IDH2: variants seen among roughly 807,000 people sequenced by gnomAD.
The protein encoded by IDH2 is isocitrate dehydrogenase (NADP(+)) 2, also known as isocitrate dehydrogenase [NADP], mitochondrial.
IDH2 carries 18 observed loss-of-function variants against 50.5 expected under a neutral mutation model. That is an observed-to-expected ratio of 0.36 (90% CI 0.25 to 0.53). The LOEUF (loss-of-function observed/expected upper bound fraction) is 0.53, where lower values mean the gene tolerates loss of function less well. Among genes scored for constraint, IDH2 ranks in the 20% least tolerant of loss-of-function variants. The pLI, the probability that IDH2 is intolerant of heterozygous loss-of-function variation, is 0.92. For synonymous variants in IDH2, 280 were observed against 239.8 expected, an observed-to-expected ratio of 1.17 and a Z score of -1.55; for missense variants, 518 against 610.7, an observed-to-expected ratio of 0.85 and a Z score of 1.60.
Position 90,098,511 on chromosome 15 carries a change from T to TATGTATGTATGCATGC in IDH2, c.115+3764_115+3765insGCATGCATACATACAT, listed in dbSNP as rs1555462222. Among the ~76,000 whole-genome samples the TATGTATGTATGCATGC allele has an allele frequency of 0.016, 2,190 of 139,852 alleles. 26 individuals are homozygous for TATGTATGTATGCATGC. The highest frequency in any genetic ancestry group is 0.026 in the Middle Eastern group (7 of 270). The allele number at this position is 139,852 out of a possible 152,430, so 91.7% of individuals were successfully genotyped here. ...AGCAACTTTGTATATTTTATGTATGTATGTATGTATGTATGCATGCATGTA... is the reference window on the plus strand; with the variant it reads ...AGCAACTTTGTATATTTTATGTATGTATGTATGTATGCATGCATGTATGTATGTATGCATGCATGTA... On this transcript the variant is annotated intron_variant, in intron 1 of 10. Transcript: ENST00000330062. The surrounding 1 kb of genome is among the most constrained non-coding windows in gnomAD (Gnocchi z 5.1).
intron 1 of IDH2, among the ~76,000 whole-genome samples, chr15:90,096,024 C>T (rs1901172007): frequency 6.6e-6 from 1 of 152,218 alleles, no homozygotes; most frequent in South Asian, 2.1e-4. Flanking sequence ...TGGCTGGGCA[C>T]CGTGGCTCAT....
chr15:90,088,823 A>C (rs2151550143), intron 3 of IDH2, 76 bp from the exon 4 acceptor site: 1 of 1,515,520 alleles, frequency 6.6e-7, no homozygotes, highest in Non-Finnish European at 9.1e-7. Context: ...AAGCAACAAC[A>C]CAGCCAGACG....
At chr15:90,096,643 G>A (rs8038011) in intron 1 of IDH2, among the ~76,000 whole-genome samples, 63,820 of 152,082 alleles carry the variant, frequency 0.42, 15,400 homozygotes, top group Non-Finnish European at 0.56. Context: ...TGCCGGGCAC[G>A]GTGGCTCGCA....
rs1276657245 is a variant in IDH2, at chr15:90,084,871, C to A, written c.1216G>T (p.Val406Leu). 6.2e-7 allele frequency: 1 copy of A among 1,614,088 alleles called. No individual in the cohort carries two copies. The highest frequency in any genetic ancestry group is 8.5e-7 in the Non-Finnish European group (1 of 1,180,008). The change falls in exon 10 of 11, where the codon GTG (valine) becomes TTG (leucine). Residue 406 changes from valine (V) to leucine (L), a missense_variant. Transcript: ENST00000330062. This position sits in a 1 kb window ranked among gnomAD's most constrained non-coding sequence, Gnocchi z 5.0. ...TCCTTGGTCATGGCTCCACTCTCCA[C>A]CGTCTCCACGCACACCTTCTCCAGC... ...QMLEKVCVET[V>L]ESGAMTKDLA...
At chr15:90,094,888 C>G (rs1461760623) in intron 1 of IDH2, among the ~76,000 whole-genome samples, 1 of 139,590 alleles carries the variant, frequency 7.2e-6, no homozygotes, top group Non-Finnish European at 1.6e-5. Flanking sequence ...GGCAACAGAA[C>G]GAGACTCCAT....
intron 1 of IDH2, among the ~76,000 whole-genome samples, chr15:90,099,569 A>G (rs1474536407): frequency 6.6e-6 from 1 of 152,128 alleles, no homozygotes; most frequent in Non-Finnish European, 1.5e-5. Flanking sequence ...CTGGGCTCAA[A>G]TGATCCTCCT....
Position 90,088,422 on chromosome 15 carries a change from C to G in IDH2, c.615G>C (p.Lys205Asn), listed in dbSNP as rs1900931461. Residue 205 changes from lysine (K) to asparagine (N), a missense_variant, in exon 5 of 11, where the codon AAG becomes AAC. Coordinates refer to ENST00000330062, the MANE Select transcript of IDH2 (RefSeq NM_002168.4). ...VFTPKDGSGV[K>N]EWEVYNFPAG... ...CGGGGAAGTTGTACACTTCCCACTC[C>G]TTGACACCACTGCCATCTTTTGGGG... 1 of 1,614,230 alleles carries G rather than the reference C, an allele frequency of 6.2e-7. No homozygotes were observed. Among genetic ancestry groups the G allele is most frequent in the Non-Finnish European group, 8.5e-7 (1 of 1,180,052 alleles).
chr15:90,091,022 G>C (rs1901021024), intron 2 of IDH2, among the ~76,000 whole-genome samples: 2 of 151,948 alleles, frequency 1.3e-5, no homozygotes, highest in South Asian at 4.2e-4. Flanking sequence ...CTTACAGTTG[G>C]AAGTGACAGT....
chr15:90,091,909 T>C (rs116105483), intron 1 of IDH2, among the ~76,000 whole-genome samples: 7 of 152,142 alleles, frequency 4.6e-5, no homozygotes, highest in Admixed American at 4.6e-4. Flanking sequence ...CCACGGACTG[T>C]TGGGAACTGG....
rs1316983853 is a variant in IDH2 at position 90,084,714 on chromosome 15, C to G, written c.1271+102G>C. 3.1e-6 allele frequency: 3 copies of G among 955,442 alleles called. No individual in the cohort carries two copies. Among genetic ancestry groups the G allele is most frequent in the Non-Finnish European group, 5.1e-6 (3 of 592,798 alleles). 59.2% of individuals were successfully genotyped at this position (955,442 alleles called of 1,614,324 possible). On this transcript the variant is annotated intron_variant, in intron 10 of 10. Coordinates refer to ENST00000330062, the MANE Select transcript of IDH2 (RefSeq NM_002168.4). The surrounding 1 kb of genome is among the most constrained non-coding windows in gnomAD (Gnocchi z 5.0). The stretch of plus-strand genomic sequence containing the variant: ...GGCTGTGGACATGTCCTGCCCCAGG[C>G]CCCCTTGCAGCTAAGCTGACTCATG...
At position 90,101,206 on chromosome 15, in the gene IDH2, G is replaced by C. The variant is rs964702947; in HGVS notation, c.115+1070C>G. 2.0e-5 allele frequency among the ~76,000 whole-genome samples: 3 copies of C among 152,140 alleles called. No homozygotes were observed. In the East Asian group the frequency reaches 5.8e-4, roughly 29 times the overall value. ...CTCTAGTCAGCTGCTCCCACAATCC[G>C]GTTAACCATTACCTCCTCTGGCCAG... On this transcript the variant is annotated intron_variant, in intron 1 of 10. Transcript: ENST00000330062.
At position 90,100,934 on chromosome 15, in the gene IDH2, GTTTC is replaced by G. The variant is rs1385620686; in HGVS notation, c.115+1338_115+1341del. On this transcript the variant is annotated intron_variant, in intron 1 of 10. Coordinates refer to ENST00000330062, the MANE Select transcript of IDH2 (RefSeq NM_002168.4). The surrounding 1 kb of genome is among the most constrained non-coding windows in gnomAD (Gnocchi z 4.1). ...TTTGTGTGTGTTTTTCGGGTTGTTT[GTTTC>G]TTTTTTTTTTTTTTACCATCAAGGC... is the stretch of plus-strand genomic sequence containing the variant. 8.1e-5 allele frequency among the ~76,000 whole-genome samples: 7 copies of G among 86,354 alleles called. No individual in the cohort carries two copies. The highest frequency in any genetic ancestry group is 5.6e-4 in the Admixed American group (5 of 8,982). The allele number at this position is 86,354 out of a possible 152,430, so 56.7% of individuals were successfully genotyped here. A position where few individuals can be genotyped will look rare whatever the true frequency, so the allele number is the denominator to read the frequency against.
In IDH2 at chr15:90,083,947, T is replaced by A; in HGVS notation, c.*319A>T. On this transcript the variant is annotated 3_prime_UTR_variant, in exon 11 of 11. Coordinates refer to ENST00000330062, the MANE Select transcript of IDH2 (RefSeq NM_002168.4). ...GCCTCTGCCTCAGGGTCCCACTACCTCCTCCCCTCAGGGACAAACACAGCA... is the reference window on the plus strand; with the variant it reads ...GCCTCTGCCTCAGGGTCCCACTACCACCTCCCCTCAGGGACAAACACAGCA... 4.5e-6 allele frequency: 2 copies of A among 447,680 alleles called. No homozygotes were observed. The highest frequency in any genetic ancestry group is 4.2e-6 in the Non-Finnish European group (1 of 240,810). 27.7% of individuals were successfully genotyped at this position (447,680 alleles called of 1,614,324 possible). A position where few individuals can be genotyped will look rare whatever the true frequency, so the allele number is the denominator to read the frequency against.
Position 90,088,472 on chromosome 15 carries a change from C to T in IDH2, c.565G>A (p.Ala189Thr), listed in dbSNP as rs1900933772. 1.9e-6 allele frequency: 3 copies of T among 1,614,234 alleles called. No homozygotes were observed. Among genetic ancestry groups the T allele is most frequent in the Non-Finnish European group, 2.5e-6 (3 of 1,180,038 alleles). ...GTGAAGACCATTTTGAAAGTGCCGGCCCGGTCTGCCACAAAGTCTGTGGCC... is the reference window on the plus strand; with the variant it reads ...GTGAAGACCATTTTGAAAGTGCCGGTCCGGTCTGCCACAAAGTCTGTGGCC... The part of the protein sequence containing the change: ...YKATDFVADR[A>T]GTFKMVFTPK... Residue 189 changes from alanine (A) to threonine (T), a missense_variant, in exon 5 of 11, where the codon GCC becomes ACC. Transcript: ENST00000330062.
chr15:90,102,262 C>T lies in IDH2; in HGVS notation c.115+14G>A, dbSNP rs1395280472. 5.1e-6 allele frequency: 6 copies of T among 1,185,080 alleles called. No homozygotes were observed. Among genetic ancestry groups the T allele is most frequent in the African/African-American group, 1.6e-5 (1 of 62,868 alleles). The allele number at this position is 1,185,080 out of a possible 1,614,324, so 73.4% of individuals were successfully genotyped here. ...GGGGCGCGCGCCTGCCTGGACCCTC[C>T]GCGCGGCACTCACAGTGGCGCCGCG... On this transcript the variant is annotated intron_variant, in intron 1 of 10. Coordinates refer to ENST00000330062, the MANE Select transcript of IDH2 (RefSeq NM_002168.4).
intron 1 of IDH2, among the ~76,000 whole-genome samples, chr15:90,097,254 TC>T (rs1901206370): frequency 6.6e-6 from 1 of 152,252 alleles, no homozygotes; most frequent in Non-Finnish European, 1.5e-5. Flanking sequence ...CATGTAACTT[TC>T]ATTACAGTAT....
Position 90,084,893 on chromosome 15 carries a change from C to T in IDH2, c.1194G>A (p.Leu398=), listed in dbSNP as rs755291689. ...CCACCGTCTCCACGCACACCTTCTC[C>T]AGCATCTGGGCAAACCTATGGGGAT... ...NQDLIRFAQM[L]EKVCVETVES... The change falls in exon 10 of 11, where the codon CTG becomes CTA. Residue 398 remains leucine (L), a synonymous_variant. Coordinates refer to ENST00000330062, the MANE Select transcript of IDH2 (RefSeq NM_002168.4). This position sits in a 1 kb window ranked among gnomAD's most constrained non-coding sequence, Gnocchi z 5.0. 22 of 1,614,118 alleles carry T rather than the reference C, an allele frequency of 1.4e-5. No individual in the cohort carries two copies. In the South Asian group the frequency reaches 2.2e-4, roughly 16 times the overall value.
chr15:90,089,571 G>A (rs998868242), intron 3 of IDH2, among the ~76,000 whole-genome samples: 2 of 152,200 alleles, frequency 1.3e-5, no homozygotes, highest in Non-Finnish European at 1.5e-5. Context: ...CAGGTGAAAT[G>A]AAGAGCTCAA....
intron 2 of IDH2, 104 bp from the exon 3 acceptor site, chr15:90,090,748 C>T: frequency 8.0e-7 from 1 of 1,245,692 alleles, no homozygotes; most frequent in African/African-American, 1.5e-5. Context: ...GACAGTCAGT[C>T]AAAACAGGGA....
Sources: allele counts gnomAD v4.1 joint callset (sites outside exome capture counted in the v4.1 genomes callset), GRCh38; gene constraint gnomAD v4.1.1; non-coding constraint Gnocchi (gnomAD v3.1); transcripts MANE v1.5; gene names NCBI Gene and HGNC (gene_info 2026-07-23, HGNC 2026-07-21).